Variants in CNTNAP5 observed in about 807,000 individuals in gnomAD.
CNTNAP5 encodes contactin-associated protein-like 5.
In CNTNAP5, 72 loss-of-function variants were observed where a neutral mutation model predicts 150.2. The ratio of observed to expected loss-of-function variants is 0.48; its 90% CI spans 0.40 to 0.58. The LOEUF (loss-of-function observed/expected upper bound fraction) is 0.58, where lower values mean the gene tolerates loss of function less well. Ranked by LOEUF, CNTNAP5 falls within the 20% of genes least tolerant of loss-of-function variation. The probability of loss-of-function intolerance (pLI) is 0.00; values close to 1 mark genes in which losing one functional copy is unlikely to be tolerated. For synonymous variants in CNTNAP5, 672 were observed against 619.8 expected (o/e 1.08, Z -1.25); for missense variants, 1,636 against 1,626.2 (o/e 1.01, Z -0.10).
intron 12 of CNTNAP5, among the ~76,000 whole-genome samples, chr2:124,627,805 A>G (rs1457802676): frequency 6.6e-6 from 1 of 152,182 alleles, no homozygotes; most frequent in Non-Finnish European, 1.5e-5. Context: ...AATGCAAAGG[A>G]GCTAAGAACC....
chr2:124,328,483 A>T (rs2104677259), intron 3 of CNTNAP5, among the ~76,000 whole-genome samples: 1 of 152,260 alleles, frequency 6.6e-6, no homozygotes, highest in Non-Finnish European at 1.5e-5. Flanking sequence ...CCCCTAAATT[A>T]GTTCCTTCTC....
At chr2:124,817,943 A>G (rs948237262) in intron 19 of CNTNAP5, among the ~76,000 whole-genome samples, 9 of 152,178 alleles carry the variant, frequency 5.9e-5, no homozygotes, top group African/African-American at 1.4e-4. Flanking sequence ...TGTTACCACC[A>G]TGTAACTGCC....
At chr2:124,728,036 T>C (rs953662362) in intron 13 of CNTNAP5, among the ~76,000 whole-genome samples, 1 of 152,050 alleles carries the variant, frequency 6.6e-6, no homozygotes, top group East Asian at 1.9e-4. Context: ...TTTGCAAATA[T>C]TTTTTTCTGC....
intron 16 of CNTNAP5, among the ~76,000 whole-genome samples, chr2:124,770,107 C>A: frequency 6.6e-6 from 1 of 152,124 alleles, no homozygotes; most frequent in Middle Eastern, 3.4e-3. Context: ...TTTGCAAGGA[C>A]CCTAATAACT....
intron 19 of CNTNAP5, among the ~76,000 whole-genome samples, chr2:124,856,394 G>A (rs1008478905): frequency 2.0e-5 from 3 of 152,096 alleles, no homozygotes; most frequent in African/African-American, 7.2e-5. Flanking sequence ...TCTACTTTTA[G>A]TTCTTTAAGG....
chr2:124,827,867 T>C (rs745639893), intron 19 of CNTNAP5, among the ~76,000 whole-genome samples: 4 of 152,136 alleles, frequency 2.6e-5, no homozygotes, highest in Admixed American at 6.5e-5. Context: ...CTTCCCCCAC[T>C]TCCCTTGTTG....
intron 13 of CNTNAP5, among the ~76,000 whole-genome samples, chr2:124,693,137 T>G (rs1679333658): frequency 6.6e-6 from 1 of 151,994 alleles, no homozygotes; most frequent in South Asian, 2.1e-4. Context: ...TTGGCTTCAC[T>G]ATTTTTTTTT....
At chr2:124,879,849 A>G (rs956944194) in intron 21 of CNTNAP5, among the ~76,000 whole-genome samples, 1 of 152,080 alleles carries the variant, frequency 6.6e-6, no homozygotes, top group African/African-American at 2.4e-5. Context: ...ATAAATGTCA[A>G]TGTTGACAAG....
chr2:124,480,836 T>A (rs1216669007), intron 7 of CNTNAP5, among the ~76,000 whole-genome samples: 1 of 152,210 alleles, frequency 6.6e-6, no homozygotes, highest in African/African-American at 2.4e-5. Flanking sequence ...ATGCTCCTCA[T>A]ACCCAGCAAA....
chr2:124,645,390 G>T (rs1678182328), intron 12 of CNTNAP5, among the ~76,000 whole-genome samples: 1 of 152,132 alleles, frequency 6.6e-6, no homozygotes, highest in Non-Finnish European at 1.5e-5. Context: ...AATATAATGA[G>T]AGCCCATCTC....
At chr2:124,080,138 G>A (rs767835053) in intron 1 of CNTNAP5, among the ~76,000 whole-genome samples, 42 of 152,276 alleles carry the variant, frequency 2.8e-4, no homozygotes, top group Non-Finnish European at 4.7e-4. Context: ...ATACTATGGA[G>A]ATTGAGTTAA....
At chr2:124,548,821 G>A (rs1177030453) in intron 10 of CNTNAP5, among the ~76,000 whole-genome samples, 1 of 152,148 alleles carries the variant, frequency 6.6e-6, no homozygotes, top group Non-Finnish European at 1.5e-5. Context: ...TTTAGAAACA[G>A]GGACACTAAA....
At chr2:124,634,481 C>T (rs1558713514) in intron 12 of CNTNAP5, among the ~76,000 whole-genome samples, 1 of 152,114 alleles carries the variant, frequency 6.6e-6, no homozygotes, top group Non-Finnish European at 1.5e-5. Context: ...GATGCACACA[C>T]AGGCACACAC....
At position 124,086,683 on chromosome 2, in the gene CNTNAP5, T is replaced by A. The variant is rs569363542; in HGVS notation, c.82+60951T>A. Among the ~76,000 whole-genome samples, 16 of 151,790 alleles carry A rather than the reference T, an allele frequency of 1.1e-4. 1 individual carries two copies. The highest frequency in any genetic ancestry group is 3.9e-4 in the African/African-American group (16 of 41,156). ...CCATGAGATATCTTTTTCCATCCTC[T>A]TAATTTCAGCCCATTTTGTCATATT... On this transcript the variant is annotated intron_variant, in intron 1 of 23. Coordinates refer to ENST00000682447, the MANE Select transcript of CNTNAP5 (RefSeq NM_001367498.1).
At chr2:124,881,234 G>T (rs1677957806) in intron 21 of CNTNAP5, among the ~76,000 whole-genome samples, 1 of 152,070 alleles carries the variant, frequency 6.6e-6, no homozygotes, top group African/African-American at 2.4e-5. Context: ...AGAGAGACTG[G>T]TATGCAGGCT....
intron 1 of CNTNAP5, among the ~76,000 whole-genome samples, chr2:124,203,996 G>A (rs538479095): frequency 2.8e-4 from 42 of 152,178 alleles, no homozygotes; most frequent in African/African-American, 8.9e-4. Context: ...GTTTTCTATC[G>A]CATTGTCAGG....
intron 1 of CNTNAP5, among the ~76,000 whole-genome samples, chr2:124,123,121 T>G (rs888092337): frequency 2.2e-4 from 34 of 151,892 alleles, no homozygotes; most frequent in Non-Finnish European, 2.9e-5. Context: ...ACCCAGGAAG[T>G]GCAAGGGGTC....
At chr2:124,792,553 C>T (rs1184200688) in intron 18 of CNTNAP5, among the ~76,000 whole-genome samples, 1 of 152,034 alleles carries the variant, frequency 6.6e-6, no homozygotes, top group African/African-American at 2.4e-5. Context: ...CCATAAAACC[C>T]ACCCTTTTAA....
At chr2:124,265,688 T>C (rs1352805659) in intron 3 of CNTNAP5, among the ~76,000 whole-genome samples, 2 of 152,006 alleles carry the variant, frequency 1.3e-5, no homozygotes, top group African/African-American at 4.8e-5. Context: ...TAAAGGATTC[T>C]GACATGAAAT....
Sources: gnomAD v4.1 joint callset for allele counts (sites outside exome capture counted in the v4.1 genomes callset) on GRCh38, gnomAD v4.1.1 for gene constraint, MANE v1.5 for transcripts, NCBI Gene and HGNC (gene_info 2026-07-23, HGNC 2026-07-21) for gene names.